ZDHHC14: variants seen among roughly 807,000 people sequenced by gnomAD.
The protein encoded by ZDHHC14 is zDHHC palmitoyltransferase 14, also known as palmitoyltransferase ZDHHC14.
ZDHHC14 carries 16 observed loss-of-function variants against 47.7 expected under a neutral mutation model. That is an observed-to-expected ratio of 0.34 (90% CI 0.23 to 0.51). ZDHHC14 has a LOEUF of 0.51. ZDHHC14 is among the 20% of genes least tolerant of loss of function. ZDHHC14 has a pLI of 0.97. For synonymous variants in ZDHHC14, 293 were observed against 278.9 expected (o/e 1.05, Z -0.50); for missense variants, 515 against 662.5 (o/e 0.78, Z 2.44).
intron 1 of ZDHHC14, among the ~76,000 whole-genome samples, chr6:157,400,959 G>A (rs985101840): frequency 6.6e-6 from 1 of 152,182 alleles, no homozygotes; most frequent in African/African-American, 2.4e-5. Flanking sequence ...TCTGGTACTA[G>A]TGTGTGGCTC....
Position 157,573,906 on chromosome 6 carries a change from T to A in ZDHHC14, c.407-19082T>A, listed in dbSNP as rs1562487794. 2.6e-5 allele frequency among the ~76,000 whole-genome samples: 4 copies of A among 151,450 alleles called. No individual in the cohort carries two copies. The East Asian group carries it at 7.7e-4, about 29-fold the overall frequency. On this transcript the variant is annotated intron_variant, in intron 2 of 8. Coordinates refer to ENST00000359775, the MANE Select transcript of ZDHHC14 (RefSeq NM_024630.3). ...TTGGTGGGGAGATGCACGGATGCTA[T>A]GGGGTCTGTGCTCAAGCATGCTGGG...
rs540228629 is a variant in ZDHHC14 at position 157,494,421 on chromosome 6, A to G, written c.246-48164A>G. Among the ~76,000 whole-genome samples, 10 of 152,318 alleles carry G rather than the reference A, an allele frequency of 6.6e-5. No homozygotes were observed. The Middle Eastern group carries it at 0.01, about 155-fold the overall frequency. On this transcript the variant is annotated intron_variant, in intron 1 of 8. Coordinates refer to ENST00000359775, the MANE Select transcript of ZDHHC14 (RefSeq NM_024630.3). Reference sequence around the variant, plus strand: ...TAGACATCCAAATGGCGGGATAGTAATGATCTCTGGTCTGGAGAGGTAGAC... The same window carrying G: ...TAGACATCCAAATGGCGGGATAGTAGTGATCTCTGGTCTGGAGAGGTAGAC...
rs2098075178 is a variant in ZDHHC14, at chr6:157,420,683, G to A, written c.245+38417G>A. ...ACTTCCCTTCCTTCACTCTATAGAAGTAGGTTGCTCTCTACGAGCATAGGT... is the reference window on the plus strand; with the variant it reads ...ACTTCCCTTCCTTCACTCTATAGAAATAGGTTGCTCTCTACGAGCATAGGT... On this transcript the variant is annotated intron_variant, in intron 1 of 8. Coordinates refer to ENST00000359775, the MANE Select transcript of ZDHHC14 (RefSeq NM_024630.3). Among the ~76,000 whole-genome samples the A allele has an allele frequency of 3.9e-5, 6 of 152,220 alleles. No homozygotes were observed. The South Asian group carries it at 1.2e-3, about 32-fold the overall frequency.
Position 157,455,431 on chromosome 6 carries a change from T to G in ZDHHC14, c.245+73165T>G, listed in dbSNP as rs565259849. Among the ~76,000 whole-genome samples, 23 of 152,326 alleles carry G rather than the reference T, an allele frequency of 1.5e-4. 1 individual carries two copies. Among genetic ancestry groups the G allele is most frequent in the Non-Finnish European group, 2.8e-4 (19 of 68,036 alleles). On this transcript the variant is annotated intron_variant, in intron 1 of 8. Coordinates refer to ENST00000359775, the MANE Select transcript of ZDHHC14 (RefSeq NM_024630.3). Reference sequence around the variant, plus strand: ...GCATGGGGGTTCCTGTTGAGTGCCTTTCCTCATTGTCCTTCCTACCCTGAA... The same window carrying G: ...GCATGGGGGTTCCTGTTGAGTGCCTGTCCTCATTGTCCTTCCTACCCTGAA...
At chr6:157,382,666 T>C (rs1777238053) in intron 1 of ZDHHC14, among the ~76,000 whole-genome samples, 2 of 152,216 alleles carry the variant, frequency 1.3e-5, no homozygotes, top group Admixed American at 6.5e-5. Context: ...AAGTCAGGGA[T>C]ACATGGAACT....
chr6:157,505,902 A>G (rs1780315583), intron 1 of ZDHHC14, among the ~76,000 whole-genome samples: 1 of 152,242 alleles, frequency 6.6e-6, no homozygotes, highest in African/African-American at 2.4e-5. Flanking sequence ...AACTGAGTGC[A>G]CCCAAGTGCT....
At chr6:157,531,495 C>A (rs569728600) in intron 1 of ZDHHC14, among the ~76,000 whole-genome samples, 23 of 152,068 alleles carry the variant, frequency 1.5e-4, no homozygotes, top group African/African-American at 4.6e-4. Context: ...TTCACCAACA[C>A]CCCCCGCTCC....
chr6:157,569,927 T>C (rs1783036795), intron 2 of ZDHHC14, among the ~76,000 whole-genome samples: 1 of 152,184 alleles, frequency 6.6e-6, no homozygotes. Context: ...TATATATTGG[T>C]TTATATTTGT....
At chr6:157,423,730 CTA>C (rs1491097356) in intron 1 of ZDHHC14, among the ~76,000 whole-genome samples, 1 of 152,200 alleles carries the variant, frequency 6.6e-6, no homozygotes, top group African/African-American at 2.4e-5. Flanking sequence ...AACCTACAGG[CTA>C]ATCCTTGAGA....
intron 1 of ZDHHC14, among the ~76,000 whole-genome samples, chr6:157,492,228 C>CCTGTGCACTCTGGAGTCA (rs1562447370): frequency 2.1e-5 from 3 of 145,178 alleles, no homozygotes; most frequent in African/African-American, 8.1e-5. Context: ...CTGTAGTCTC[C>CCTGTGCACTCTGGAGTCA]CTGTGCACTC....
intron 2 of ZDHHC14, among the ~76,000 whole-genome samples, chr6:157,546,524 G>C (rs1781978850): frequency 6.6e-6 from 1 of 152,146 alleles, no homozygotes; most frequent in South Asian, 2.1e-4. Context: ...TCTGTTTCAA[G>C]GCTCTTGAAA....
chr6:157,416,670 TAAAAAAAAAAAAAAAA>T (rs570772103), intron 1 of ZDHHC14, among the ~76,000 whole-genome samples: 826 of 75,352 alleles, frequency 0.011, 17 homozygotes, highest in Admixed American at 0.074. Context: ...CCTGTCTCAT[TAAAAAAAAAAAAAAAA>T]AAAAAAAAAA....
intron 1 of ZDHHC14, among the ~76,000 whole-genome samples, chr6:157,438,418 G>A (rs184721942): frequency 9.2e-5 from 14 of 152,296 alleles, no homozygotes; most frequent in Admixed American, 5.9e-4. Flanking sequence ...TGGACTTTGA[G>A]TTGCATTTGG....
chr6:157,640,330 G>A (rs558901316), intron 5 of ZDHHC14, among the ~76,000 whole-genome samples: 5 of 152,320 alleles, frequency 3.3e-5, no homozygotes, highest in Non-Finnish European at 5.9e-5. Context: ...GACAGAAAGC[G>A]TTTTCATCCC....
intron 8 of ZDHHC14, among the ~76,000 whole-genome samples, chr6:157,656,064 G>C (rs928724125): frequency 2.6e-5 from 4 of 152,204 alleles, no homozygotes; most frequent in African/African-American, 9.7e-5. Context: ...CATGGAAATG[G>C]GGAGGTCGTT....
intron 1 of ZDHHC14, among the ~76,000 whole-genome samples, chr6:157,486,889 C>T (rs184475199): frequency 1.3e-5 from 2 of 152,186 alleles, no homozygotes; most frequent in East Asian, 1.9e-4. Flanking sequence ...GGTGAGGAGA[C>T]GCAGGAGGAT....
intron 1 of ZDHHC14, among the ~76,000 whole-genome samples, chr6:157,466,998 C>T (rs1474210269): frequency 6.6e-6 from 1 of 152,162 alleles, no homozygotes; most frequent in African/African-American, 2.4e-5. Context: ...GGCTCCTACC[C>T]TTGTCTATGC....
intron 2 of ZDHHC14, among the ~76,000 whole-genome samples, chr6:157,565,819 A>AT (rs1325062159): frequency 6.7e-4 from 101 of 151,294 alleles, no homozygotes; most frequent in African/African-American, 2.3e-3. Context: ...AAAAAAAAAA[A>AT]GGTTGGGTCC....
Position 157,592,971 on chromosome 6 carries a change from T to A in ZDHHC14, c.407-17T>A. 1.9e-6 allele frequency: 3 copies of A among 1,604,724 alleles called. No homozygotes were observed. Among genetic ancestry groups the A allele is most frequent in the Non-Finnish European group, 1.7e-6 (2 of 1,176,146 alleles). ...AGGCTCTGAAGGTGTGCGCTCTTTC[T>A]CTTCTTTTCTCCACAGATATCGCAA... On this transcript the variant is annotated splice_polypyrimidine_tract_variant and intron_variant, in intron 2 of 8. Transcript: ENST00000359775.
Sources: gnomAD v4.1 joint callset for allele counts (sites outside exome capture counted in the v4.1 genomes callset) on GRCh38, gnomAD v4.1.1 for gene constraint, MANE v1.5 for transcripts, NCBI Gene and HGNC (gene_info 2026-07-23, HGNC 2026-07-21) for gene names.